ARHGAP15: variants seen among roughly 807,000 people sequenced by gnomAD.
The protein encoded by ARHGAP15 is Rho GTPase activating protein 15.
Under a neutral mutation model 63.7 loss-of-function variants are expected in ARHGAP15, and 51 were observed. The ratio of observed to expected loss-of-function variants is 0.80; its 90% confidence interval spans 0.64 to 1.01. ARHGAP15 has a LOEUF of 1.01. Ranked by LOEUF, ARHGAP15 falls within the 50% of genes least tolerant of loss-of-function variation. The pLI, the probability that ARHGAP15 is intolerant of heterozygous loss-of-function variation, is 0.00. For synonymous variants in ARHGAP15, 191 were observed against 193.8 expected, an observed-to-expected ratio of 0.99 and a Z score of 0.12; for missense variants, 560 against 564.6, an observed-to-expected ratio of 0.99 and a Z score of 0.08.
intron 7 of ARHGAP15, among the ~76,000 whole-genome samples, chr2:143,435,925 T>C (rs1689595038): frequency 6.6e-6 from 1 of 152,116 alleles, no homozygotes; most frequent in Non-Finnish European, 1.5e-5. Context: ...TTCTTTCTTT[T>C]TTTCTGAAAT....
intron 6 of ARHGAP15, among the ~76,000 whole-genome samples, chr2:143,351,890 T>A (rs1685590315): frequency 6.6e-6 from 1 of 152,168 alleles, no homozygotes; most frequent in Non-Finnish European, 1.5e-5. Context: ...TAACATAGAT[T>A]CTCATTATAC....
chr2:143,757,889 A>G (rs1686634658), intron 13 of ARHGAP15, among the ~76,000 whole-genome samples: 1 of 152,150 alleles, frequency 6.6e-6, no homozygotes, highest in South Asian at 2.1e-4. Flanking sequence ...AGATATGACT[A>G]CATAAGAACT....
At chr2:143,373,807 G>A (rs1000805924) in intron 6 of ARHGAP15, among the ~76,000 whole-genome samples, 1 of 152,002 alleles carries the variant, frequency 6.6e-6, no homozygotes. Context: ...AGGGTGGGAT[G>A]TCTTATTAAA....
chr2:143,659,010 C>G (rs1040326945), intron 12 of ARHGAP15, among the ~76,000 whole-genome samples: 41 of 152,160 alleles, frequency 2.7e-4, no homozygotes, highest in African/African-American at 8.4e-4. Flanking sequence ...AACAGTATCT[C>G]CTGCCCAACT....
intron 8 of ARHGAP15, among the ~76,000 whole-genome samples, chr2:143,482,088 C>G (rs926264279): frequency 6.6e-6 from 1 of 152,054 alleles, no homozygotes; most frequent in Non-Finnish European, 1.5e-5. Flanking sequence ...TTCTAGAATA[C>G]CTGGAAAGCT....
intron 1 of ARHGAP15, among the ~76,000 whole-genome samples, chr2:143,146,790 T>C (rs1315057026): frequency 6.6e-6 from 1 of 152,130 alleles, no homozygotes; most frequent in Non-Finnish European, 1.5e-5. Flanking sequence ...TCATTAGACA[T>C]GCCCTTTTGG....
At chr2:143,235,853 T>G in intron 5 of ARHGAP15, 1 of 1,413,954 alleles carries the variant, frequency 7.1e-7, no homozygotes, top group Non-Finnish European at 9.4e-7. Flanking sequence ...CAGGTACACT[T>G]TCCTATTTTA....
intron 12 of ARHGAP15, among the ~76,000 whole-genome samples, chr2:143,626,315 GAA>G (rs77658447): frequency 0.058 from 8,861 of 152,242 alleles, 570 homozygotes; most frequent in East Asian, 0.32. Context: ...ATTTGGAAGA[GAA>G]GAGAGAGGAG....
intron 3 of ARHGAP15, among the ~76,000 whole-genome samples, chr2:143,204,429 A>C (rs1692245817): frequency 6.6e-6 from 1 of 152,092 alleles, no homozygotes; most frequent in African/African-American, 2.4e-5. Context: ...TCTGGGTTGC[A>C]AACAGCTGAC....
chr2:143,186,716 G>A (rs1691463169), intron 2 of ARHGAP15, among the ~76,000 whole-genome samples: 1 of 152,158 alleles, frequency 6.6e-6, no homozygotes, highest in Middle Eastern at 3.2e-3. Flanking sequence ...ATTACTCTAT[G>A]TGACTGATTT....
chr2:143,541,367 T>C (rs1191966658), intron 10 of ARHGAP15, among the ~76,000 whole-genome samples: 2 of 152,204 alleles, frequency 1.3e-5, no homozygotes, highest in Non-Finnish European at 2.9e-5. Context: ...GAAGCCTTCT[T>C]CTCTCAACTC....
intron 12 of ARHGAP15, among the ~76,000 whole-genome samples, chr2:143,642,587 T>G (rs922736894): frequency 4.6e-5 from 7 of 152,082 alleles, no homozygotes; most frequent in Non-Finnish European, 8.8e-5. Flanking sequence ...CAGCACCTTG[T>G]CCAAGCCATG....
chr2:143,413,967 G>GCGCGCGCGCA (rs1688570870), intron 6 of ARHGAP15, among the ~76,000 whole-genome samples: 1 of 26,658 alleles, frequency 3.8e-5, no homozygotes, highest in African/African-American at 1.6e-4. Context: ...GTGTGTGTGT[G>GCGCGCGCGCA]CGCGCTCTCT....
intron 12 of ARHGAP15, among the ~76,000 whole-genome samples, chr2:143,629,357 G>A (rs770393109): frequency 2.0e-5 from 3 of 152,066 alleles, no homozygotes; most frequent in Admixed American, 1.3e-4. Context: ...ATCCAACTGG[G>A]TCACCTGCAG....
At chr2:143,391,087 G>T (rs1014182069) in intron 6 of ARHGAP15, among the ~76,000 whole-genome samples, 11 of 152,106 alleles carry the variant, frequency 7.2e-5, no homozygotes, top group African/African-American at 2.7e-4. Flanking sequence ...GTAAAGAAGG[G>T]CATAGAAAGT....
At chr2:143,386,896 A>G (rs1298192787) in intron 6 of ARHGAP15, among the ~76,000 whole-genome samples, 1 of 152,068 alleles carries the variant, frequency 6.6e-6, no homozygotes, top group Non-Finnish European at 1.5e-5. Flanking sequence ...TAGCAAACTA[A>G]TGCAGGAACA....
chr2:143,357,400 A>T (rs1054340806), intron 6 of ARHGAP15, among the ~76,000 whole-genome samples: 1 of 152,150 alleles, frequency 6.6e-6, no homozygotes, highest in East Asian at 1.9e-4. Context: ...ACAAAAACAC[A>T]TAATAGCTAT....
chr2:143,757,257 C>A (rs1034984586), intron 13 of ARHGAP15, among the ~76,000 whole-genome samples: 1 of 152,144 alleles, frequency 6.6e-6, no homozygotes. Context: ...CGCCTGTAAT[C>A]CCGGCACTGT....
intron 6 of ARHGAP15, among the ~76,000 whole-genome samples, chr2:143,399,350 C>T (rs1263244443): frequency 1.2e-5 from 1 of 81,676 alleles, no homozygotes; most frequent in African/African-American, 4.3e-5. Flanking sequence ...GCTCAAAGAG[C>T]ACTGAGGCAA....
Sources: allele counts gnomAD v4.1 joint callset (sites outside exome capture counted in the v4.1 genomes callset), GRCh38; gene constraint gnomAD v4.1.1; transcripts MANE v1.5; gene names NCBI Gene and HGNC (gene_info 2026-07-23, HGNC 2026-07-21).